The following AGBL1 variants were observed in gnomAD, a reference collection of about 807,000 sequenced individuals.
AGBL1 encodes the protein AGBL carboxypeptidase 1, also known as cytosolic carboxypeptidase 4.
A neutral mutation model predicts 118.9 loss-of-function variants in AGBL1; 130 were observed. The observed-to-expected ratio is 1.09, with a 90% CI of 0.95 to 1.26. The LOEUF (loss-of-function observed/expected upper bound fraction) is 1.26. Among genes scored for constraint, AGBL1 ranks in the 50% most tolerant of loss-of-function variants. The pLI, the probability that AGBL1 is intolerant of heterozygous loss-of-function variation, is 0.00. For missense variants in AGBL1, 1,584 were observed against 1,298.1 expected, an observed-to-expected ratio of 1.22 and a Z score of -3.38; for synonymous variants, 555 against 478.9, an observed-to-expected ratio of 1.16 and a Z score of -2.08.
At chr15:86,438,592 T>C (rs991527400) in intron 18 of AGBL1, among the ~76,000 whole-genome samples, 5 of 152,070 alleles carry the variant, frequency 3.3e-5, no homozygotes, top group African/African-American at 1.2e-4. Flanking sequence ...CAATATTTAA[T>C]GGGATATGCT....
rs182638527 is a variant in AGBL1 at position 86,494,168 on chromosome 15, G to A, written c.2556-28642G>A. On this transcript the variant is annotated intron_variant, in intron 18 of 22. Transcript: ENST00000614907. ...GTATTTTCTTCCAAAGATAATTGAG[G>A]TCCTGGCTATAAAGTGATTCTAATC... is the stretch of plus-strand genomic sequence containing the variant. 2.5e-3 allele frequency among the ~76,000 whole-genome samples: 384 copies of A among 152,120 alleles called. 1 individual carries two copies. Among genetic ancestry groups the A allele is most frequent in the African/African-American group, 8.8e-3 (365 of 41,534 alleles).
At chr15:86,956,620 C>A (rs2080934503) in intron 23 of AGBL1, among the ~76,000 whole-genome samples, 1 of 152,172 alleles carries the variant, frequency 6.6e-6, no homozygotes, top group South Asian at 2.1e-4. Flanking sequence ...GGAGAGTGAT[C>A]TGTTTTACTT....
intron 1 of AGBL1, among the ~76,000 whole-genome samples, chr15:86,120,690 A>C (rs1192855560): frequency 1.3e-5 from 2 of 152,184 alleles, no homozygotes; most frequent in African/African-American, 4.8e-5. Flanking sequence ...CTCTTGGCAC[A>C]TTTTTGGTTC....
intron 18 of AGBL1, among the ~76,000 whole-genome samples, chr15:86,421,241 C>G (rs573403249): frequency 1.4e-4 from 22 of 152,232 alleles, no homozygotes; most frequent in Middle Eastern, 6.8e-3. Context: ...TAAAGGGAAA[C>G]CATCAGGATA....
At chr15:86,364,958 C>CACACATATATATATATATATATATAT (rs1474501613) in intron 17 of AGBL1, among the ~76,000 whole-genome samples, 32 of 76,142 alleles carry the variant, frequency 4.2e-4, no homozygotes, top group South Asian at 9.0e-4. Context: ...ATATGTCACA[C>CACACATATATATATATATATATATAT]ATATATATAT....
chr15:86,189,569 G>A (rs950834868), intron 5 of AGBL1, among the ~76,000 whole-genome samples: 7 of 152,028 alleles, frequency 4.6e-5, no homozygotes, highest in Non-Finnish European at 7.4e-5. Context: ...CATTCCATTA[G>A]TTCCCATGAG....
intron 18 of AGBL1, among the ~76,000 whole-genome samples, chr15:86,475,416 A>G (rs1223553728): frequency 6.6e-6 from 1 of 152,220 alleles, no homozygotes; most frequent in African/African-American, 2.4e-5. Context: ...CACGAGAACT[A>G]TGTGATGAAT....
At chr15:86,926,700 T>C (rs2080544642) in intron 23 of AGBL1, among the ~76,000 whole-genome samples, 2 of 152,230 alleles carry the variant, frequency 1.3e-5, no homozygotes, top group Admixed American at 6.5e-5. Context: ...ACAAAAGCAG[T>C]GCTAATAATA....
At chr15:87,028,937 T>C (rs1596758690) in exon 25 of AGBL1, 21 of 1,363,782 alleles carry the variant, frequency 1.5e-5, no homozygotes, top group Non-Finnish European at 2.0e-5. Flanking sequence ...CAAGATGTTG[T>C]ACATGTCTTA....
At chr15:87,021,012 A>G (rs1484696338) in intron 24 of AGBL1, among the ~76,000 whole-genome samples, 1 of 152,172 alleles carries the variant, frequency 6.6e-6, no homozygotes, top group African/African-American at 2.4e-5. Flanking sequence ...AAAAATTCAT[A>G]TGAAACCAAA....
intron 22 of AGBL1, among the ~76,000 whole-genome samples, chr15:86,797,220 A>G (rs575313305): frequency 1.3e-5 from 2 of 152,350 alleles, no homozygotes; most frequent in African/African-American, 4.8e-5. Context: ...AAAGGACTGC[A>G]TGCCCACATA....
At chr15:86,554,629 G>C in intron 21 of AGBL1, 92 bp downstream of exon 21, 3 of 1,271,096 alleles carry the variant, frequency 2.4e-6, no homozygotes, top group Non-Finnish European at 3.0e-6. Flanking sequence ...ACCTAAAAGG[G>C]GAAGAAGGCT....
chr15:86,118,101 T>C (rs980815409), intron 1 of AGBL1, among the ~76,000 whole-genome samples: 2 of 152,228 alleles, frequency 1.3e-5, no homozygotes, highest in Non-Finnish European at 2.9e-5. Flanking sequence ...AATATAATGT[T>C]TCTACTCAGA....
At chr15:86,879,400 G>A (rs2079859009) in intron 22 of AGBL1, among the ~76,000 whole-genome samples, 2 of 152,094 alleles carry the variant, frequency 1.3e-5, no homozygotes, top group Non-Finnish European at 2.9e-5. Context: ...CCTGCTGAGT[G>A]TGCATCTTAG....
At chr15:86,934,181 A>G (rs987077806) in intron 23 of AGBL1, among the ~76,000 whole-genome samples, 1 of 152,176 alleles carries the variant, frequency 6.6e-6, no homozygotes, top group African/African-American at 2.4e-5. Context: ...TGAGCTGGGG[A>G]GAGGAGTAAG....
At chr15:86,383,111 A>C (rs954653115) in intron 17 of AGBL1, among the ~76,000 whole-genome samples, 1 of 151,720 alleles carries the variant, frequency 6.6e-6, no homozygotes, top group Non-Finnish European at 1.5e-5. Context: ...TCATTTCTTC[A>C]TTGTGCTGTT....
chr15:86,891,939 G>A (rs1700843825), intron 22 of AGBL1, among the ~76,000 whole-genome samples: 1 of 152,048 alleles, frequency 6.6e-6, no homozygotes, highest in South Asian at 2.1e-4. Flanking sequence ...AACATCAATG[G>A]GCCACTCAGT....
At chr15:86,851,023 C>G (rs576678563) in intron 22 of AGBL1, among the ~76,000 whole-genome samples, 7 of 152,232 alleles carry the variant, frequency 4.6e-5, no homozygotes, top group Non-Finnish European at 8.8e-5. Flanking sequence ...TTTGGAGAGG[C>G]TTTTTGGTCA....
chr15:86,764,852 A>G (rs1324761295), intron 22 of AGBL1, among the ~76,000 whole-genome samples: 1 of 152,046 alleles, frequency 6.6e-6, no homozygotes, highest in African/African-American at 2.4e-5. Context: ...GTGAATGTAG[A>G]TTATACAGAA....
Sources: gnomAD v4.1 joint callset for allele counts (sites outside exome capture counted in the v4.1 genomes callset) on GRCh38, gnomAD v4.1.1 for gene constraint, MANE v1.5 for transcripts, NCBI Gene and HGNC (gene_info 2026-07-23, HGNC 2026-07-21) for gene names.